Variants in CHD5 observed in about 807,000 individuals in gnomAD.
The protein encoded by CHD5 is ATP-dependent chromatin remodeler CHD5.
Under a neutral mutation model 230.3 loss-of-function variants are expected in CHD5, and 69 were observed. The ratio of observed to expected loss-of-function variants is 0.30; its 90% CI spans 0.25 to 0.37. The LOEUF (loss-of-function observed/expected upper bound fraction) is 0.37. CHD5 is among the 10% of genes least tolerant of loss of function. The probability of loss-of-function intolerance (pLI) is 1.00; values close to 1 mark genes in which losing one functional copy is unlikely to be tolerated. For synonymous variants in CHD5, 1,064 were observed against 1,065.9 expected, an observed-to-expected ratio of 1.00 and a Z score of 0.03; for missense variants, 1,827 against 2,622.8, an observed-to-expected ratio of 0.70 and a Z score of 6.63.
At chr1:6,108,075 TG>T in intron 38 of CHD5, among the ~76,000 whole-genome samples, 1 of 108,450 alleles carries the variant, frequency 9.2e-6, no homozygotes. Context: ...GGAGGGATGA[TG>T]GAGAGATGGA....
chr1:6,152,821 A>G (rs780179760), intron 5 of CHD5, among the ~76,000 whole-genome samples: 1 of 152,160 alleles, frequency 6.6e-6, no homozygotes. Flanking sequence ...AGGATCCCCT[A>G]TACCGTCTCC....
At chr1:6,109,236 G>A (rs1253170464) in intron 38 of CHD5, among the ~76,000 whole-genome samples, 1 of 152,130 alleles carries the variant, frequency 6.6e-6, no homozygotes, top group African/African-American at 2.4e-5. Flanking sequence ...CACAGGATCA[G>A]AGTACACCAG....
At chr1:6,149,903 AGATG>A (rs1666974823) in intron 7 of CHD5, among the ~76,000 whole-genome samples, 1 of 150,522 alleles carries the variant, frequency 6.6e-6, no homozygotes, top group Non-Finnish European at 1.5e-5. Context: ...ATGGATGTAT[AGATG>A]GATGAATGGA....
intron 37 of CHD5, 29 bp downstream of exon 37, chr1:6,110,363 CCG>C (rs1553137363): frequency 6.3e-7 from 1 of 1,577,022 alleles, no homozygotes. Context: ...CCTCCCTGCC[CCG>C]TGCAGCCCTG....
At position 6,155,152 on chromosome 1, in the gene CHD5, ACCC is replaced by A; in HGVS notation, c.507-257_507-255del. Reference sequence around the variant, plus strand: ...CACACCCACAGCCCACCCCCAAAACACCCAGCTTCCTGTCCACACCCACAGCCC... The same window carrying A: ...CACACCCACAGCCCACCCCCAAAACAAGCTTCCTGTCCACACCCACAGCCC... On this transcript the variant is annotated intron_variant, in intron 4 of 41. Coordinates refer to ENST00000262450, the MANE Select transcript of CHD5 (RefSeq NM_015557.3). The surrounding 1 kb of genome is among the most constrained non-coding windows in gnomAD (Gnocchi z 4.0). Among the ~76,000 whole-genome samples the A allele has an allele frequency of 5.8e-5, 1 of 17,232 alleles. No individual in the cohort carries two copies. The highest frequency in any genetic ancestry group is 1.7e-3 in the East Asian group (1 of 590). The allele number at this position is 17,232 out of a possible 152,430, so 11.3% of individuals were successfully genotyped here.
At chr1:6,106,545 G>C in intron 39 of CHD5, 36 bp from the exon 40 acceptor site, 1 of 1,550,428 alleles carries the variant, frequency 6.4e-7, no homozygotes, top group Non-Finnish European at 8.7e-7. Context: ...GGTGGTCTCA[G>C]GCCCCCCACC....
At chr1:6,172,277 A>G (rs1399173849) in intron 1 of CHD5, among the ~76,000 whole-genome samples, 2 of 152,226 alleles carry the variant, frequency 1.3e-5, no homozygotes, top group African/African-American at 4.8e-5. Flanking sequence ...ATTAATTTGT[A>G]TCAGTTCAAC....
At chr1:6,108,170 A>G (rs1314929777) in intron 38 of CHD5, among the ~76,000 whole-genome samples, 2 of 124,180 alleles carry the variant, frequency 1.6e-5, no homozygotes, top group Non-Finnish European at 3.3e-5. Context: ...GGAAAGATGG[A>G]GGGATGATGG....
At chr1:6,135,551 G>C (rs748295209) in intron 17 of CHD5, 148 bp from the exon 18 acceptor site, 7 of 674,858 alleles carry the variant, frequency 1.0e-5, no homozygotes, top group Middle Eastern at 4.1e-4. Context: ...TTCTGTCTAA[G>C]CCTGTGTCAC....
Position 6,146,861 on chromosome 1 carries a change from AGTGGGGGGCACT to A in CHD5, c.1384-2_1393del. 1 of 1,512,424 alleles carries A rather than the reference AGTGGGGGGCACT, an allele frequency of 6.6e-7. No homozygotes were observed. The highest frequency in any genetic ancestry group is 2.3e-5 in the East Asian group (1 of 43,026). The allele number at this position is 1,512,424 out of a possible 1,614,324, so 93.7% of individuals were successfully genotyped here. ...TAGAATCCGCTGGACTTTGCCCTTC[AGTGGGGGGCACT>A]GTGGACAGAGAAGGGTCCCCAAGGT... On this transcript the variant is annotated splice_acceptor_variant and coding_sequence_variant, in exon 10 of 42. Coordinates refer to ENST00000262450, the MANE Select transcript of CHD5 (RefSeq NM_015557.3). LOFTEE classifies it high-confidence loss of function. The surrounding 1 kb of genome is among the most constrained non-coding windows in gnomAD (Gnocchi z 5.1).
At position 6,121,661 on chromosome 1, in the gene CHD5, G is replaced by C; in HGVS notation, c.4700-88C>G. The C allele has an allele frequency of 1.1e-6, 1 of 916,032 alleles. No individual in the cohort carries two copies. The highest frequency in any genetic ancestry group is 1.7e-6 in the Non-Finnish European group (1 of 589,246). The allele number at this position is 916,032 out of a possible 1,614,324, so 56.7% of individuals were successfully genotyped here. Reference sequence around the variant, plus strand: ...GTGGGGTGGCAGAGAGGAGAGATGGGGGCTTGGCCTTCGGGAGGCTCCACT... The same window carrying C: ...GTGGGGTGGCAGAGAGGAGAGATGGCGGCTTGGCCTTCGGGAGGCTCCACT... On this transcript the variant is annotated intron_variant, in intron 31 of 41. Coordinates refer to ENST00000262450, the MANE Select transcript of CHD5 (RefSeq NM_015557.3). This position sits in a 1 kb window ranked among gnomAD's most constrained non-coding sequence, Gnocchi z 4.5.
intron 1 of CHD5, among the ~76,000 whole-genome samples, chr1:6,175,576 A>G (rs1473628466): frequency 6.7e-6 from 1 of 150,256 alleles, no homozygotes; most frequent in African/African-American, 2.5e-5. Flanking sequence ...GTGGATGGAC[A>G]GATGAATGAA....
Position 6,124,661 on chromosome 1 carries a change from TC to T in CHD5, c.4395-1del. On this transcript the variant is annotated splice_acceptor_variant, in intron 29 of 41. Transcript: ENST00000262450. LOFTEE classifies it high-confidence loss of function. The stretch of plus-strand genomic sequence containing the variant: ...GCCGCATGAAGAGGGACACATAGGC[TC>T]TGGGGTGGGGGGGGGGGACTGGGGC... The T allele has an allele frequency of 5.2e-6, 1 of 193,174 alleles. No individual in the cohort carries two copies. Among genetic ancestry groups the T allele is most frequent in the Non-Finnish European group, 9.0e-6 (1 of 110,964 alleles). The allele number at this position is 193,174 out of a possible 1,614,324, so 12.0% of individuals were successfully genotyped here.
rs1048737294 is a variant in CHD5, at chr1:6,105,900, C to T, written c.*46+334G>A. Among the ~76,000 whole-genome samples, 2 of 152,162 alleles carry T rather than the reference C, an allele frequency of 1.3e-5. No homozygotes were observed. The highest frequency in any genetic ancestry group is 4.8e-5 in the African/African-American group (2 of 41,428). On this transcript the variant is annotated intron_variant, in intron 41 of 41. Transcript: ENST00000262450. The surrounding 1 kb of genome is among the most constrained non-coding windows in gnomAD (Gnocchi z 4.8). ...AGCAGGGGCAGGACAGGGCTCCAGGCGGGGGCAGCAGTCTCTGACTTCCGC... is the reference window on the plus strand; with the variant it reads ...AGCAGGGGCAGGACAGGGCTCCAGGTGGGGGCAGCAGTCTCTGACTTCCGC...
Position 6,180,009 on chromosome 1 carries a change from C to G in CHD5, c.15G>C (p.Val5=). The G allele has an allele frequency of 7.3e-7, 1 of 1,372,844 alleles. No individual in the cohort carries two copies. The highest frequency in any genetic ancestry group is 1.4e-5 in the South Asian group (1 of 72,778). 85.0% of individuals were successfully genotyped at this position (1,372,844 alleles called of 1,614,324 possible). The change falls in exon 1 of 42, where the codon GTG becomes GTC. Residue 5 remains valine, a synonymous_variant. Transcript: ENST00000262450. Reference sequence around the variant, plus strand: ...GCCGCGGCAGCTCCTCCTCGGTGCCCACTGGGCCCCGCATGCCCGGCGCGG... The same window carrying G: ...GCCGCGGCAGCTCCTCCTCGGTGCCGACTGGGCCCCGCATGCCCGGCGCGG... MRGP[V]GTEEELPRLF...
rs1222762764 is a variant in CHD5 at position 6,105,651 on chromosome 1, G to A, written c.*47-224C>T. ...GCAGTGGGCAGGGGCAGCCAGCCAGGAAGCCCCTCTGGAGCCTCCTCCAGC... is the reference window on the plus strand; with the variant it reads ...GCAGTGGGCAGGGGCAGCCAGCCAGAAAGCCCCTCTGGAGCCTCCTCCAGC... On this transcript the variant is annotated intron_variant, in intron 41 of 41. Coordinates refer to ENST00000262450, the MANE Select transcript of CHD5 (RefSeq NM_015557.3). The surrounding 1 kb of genome is among the most constrained non-coding windows in gnomAD (Gnocchi z 4.8). Among the ~76,000 whole-genome samples the A allele has an allele frequency of 6.6e-6, 1 of 152,186 alleles. No individual in the cohort carries two copies. The highest frequency in any genetic ancestry group is 1.5e-5 in the Non-Finnish European group (1 of 68,028).
chr1:6,107,015 T>G (rs1571134816), intron 38 of CHD5, among the ~76,000 whole-genome samples: 1 of 75,494 alleles, frequency 1.3e-5, no homozygotes, highest in Non-Finnish European at 2.6e-5. Flanking sequence ...GGAGGGATGA[T>G]GGAGGGATAA....
In CHD5 at chr1:6,125,017, G is replaced by T; in HGVS notation, c.4394+83C>A. On this transcript the variant is annotated intron_variant, in intron 29 of 41. Coordinates refer to ENST00000262450, the MANE Select transcript of CHD5 (RefSeq NM_015557.3). The surrounding 1 kb of genome is among the most constrained non-coding windows in gnomAD (Gnocchi z 6.7). ...CCTCATCCTGGCGGAAGCAAATGCT[G>T]CCCTCTGTGGGGCTCACCCGCAGGA... is the stretch of plus-strand genomic sequence containing the variant. 2 of 1,357,252 alleles carry T rather than the reference G, an allele frequency of 1.5e-6. No individual in the cohort carries two copies. The highest frequency in any genetic ancestry group is 2.0e-6 in the Non-Finnish European group (2 of 1,021,490). The allele number at this position is 1,357,252 out of a possible 1,614,324, so 84.1% of individuals were successfully genotyped here.
chr1:6,105,303 G>A lies in CHD5; in HGVS notation c.*171C>T, dbSNP rs1557532533. 1 of 426,780 alleles carries A rather than the reference G, an allele frequency of 2.3e-6. No individual in the cohort carries two copies. Among genetic ancestry groups the A allele is most frequent in the East Asian group, 7.2e-5 (1 of 13,830 alleles). 26.4% of individuals were successfully genotyped at this position (426,780 alleles called of 1,614,324 possible). A position where few individuals can be genotyped will look rare whatever the true frequency, so the allele number is the denominator to read the frequency against. ...TTCTGGGCTCTGGCCCAGCTGAGCT[G>A]GGCCTCGTCCTCCATGTGATGGCAT... On this transcript the variant is annotated 3_prime_UTR_variant, in exon 42 of 42. Coordinates refer to ENST00000262450, the MANE Select transcript of CHD5 (RefSeq NM_015557.3). This position sits in a 1 kb window ranked among gnomAD's most constrained non-coding sequence, Gnocchi z 4.8.
Sources: allele counts gnomAD v4.1 joint callset (sites outside exome capture counted in the v4.1 genomes callset), GRCh38; gene constraint gnomAD v4.1.1; non-coding constraint Gnocchi (gnomAD v3.1); transcripts MANE v1.5; gene names NCBI Gene and HGNC (gene_info 2026-07-23, HGNC 2026-07-21).